Variants in ARNT2 observed in about 807,000 individuals in gnomAD.
ARNT2 encodes the protein aryl hydrocarbon receptor nuclear translocator 2, also known as ARNT protein 2.
A neutral mutation model predicts 91.7 loss-of-function variants in ARNT2; 36 were observed. That is an observed-to-expected ratio of 0.39 (90% CI 0.30 to 0.52). ARNT2 has a LOEUF of 0.52. Among genes scored for constraint, ARNT2 ranks in the 20% least tolerant of loss-of-function variants. The pLI is 0.72. For missense variants in ARNT2, 775 were observed against 939.3 expected, an observed-to-expected ratio of 0.83 and a Z score of 2.29; for synonymous variants, 365 against 347.1, an observed-to-expected ratio of 1.05 and a Z score of -0.57.
At chr15:80,538,003 A>G (rs1032233504) in intron 8 of ARNT2, among the ~76,000 whole-genome samples, 1 of 152,230 alleles carries the variant, frequency 6.6e-6, no homozygotes, top group Admixed American at 6.5e-5. Context: ...GGAGAATGCC[A>G]TGTGAAGATG....
intron 12 of ARNT2, among the ~76,000 whole-genome samples, chr15:80,567,904 G>C (rs949113682): frequency 1.3e-5 from 2 of 152,142 alleles, no homozygotes; most frequent in Non-Finnish European, 2.9e-5. Context: ...GAATTTGTGA[G>C]GCGAAACTTT....
intron 1 of ARNT2, among the ~76,000 whole-genome samples, chr15:80,430,304 C>T (rs1219745961): frequency 2.6e-5 from 4 of 152,220 alleles, no homozygotes; most frequent in African/African-American, 9.6e-5. Context: ...AGCCTCCACT[C>T]TCACCTGTTC....
chr15:80,512,113 A>G (rs543922797), intron 6 of ARNT2, among the ~76,000 whole-genome samples: 3 of 152,224 alleles, frequency 2.0e-5, no homozygotes, highest in East Asian at 1.9e-4. Context: ...ATAAGTATCT[A>G]TTTTCCCTAA....
At position 80,510,731 on chromosome 15, in the gene ARNT2, AG is replaced by A. The variant is rs981127671; in HGVS notation, c.725+2475del. Reference sequence around the variant, plus strand: ...GTAGTCCCTGCTACTCGGGAGGCTGAGGCAGGAGAATTGCTTGAACCTGGGA... The same window carrying A: ...GTAGTCCCTGCTACTCGGGAGGCTGAGCAGGAGAATTGCTTGAACCTGGGA... On this transcript the variant is annotated intron_variant, in intron 6 of 18. Coordinates refer to ENST00000303329, the MANE Select transcript of ARNT2 (RefSeq NM_014862.4). Among the ~76,000 whole-genome samples, 15 of 152,294 alleles carry A rather than the reference AG, an allele frequency of 9.8e-5. 2 individuals are homozygous for A. The highest frequency in any genetic ancestry group is 2.0e-4 in the Admixed American group (3 of 15,296).
rs1206110524 is a variant in ARNT2 at position 80,431,911 on chromosome 15, G to A, written c.32-18969G>A. Among the ~76,000 whole-genome samples the A allele has an allele frequency of 4.6e-5, 7 of 152,340 alleles. No individual in the cohort carries two copies. In the East Asian group the frequency reaches 1.4e-3, roughly 29 times the overall value. ...TGAGCAGCTGAAGTAGCTCTCAGCT[G>A]AAGTAGCTCTCTGAAGCAACCGGCC... On this transcript the variant is annotated intron_variant, in intron 1 of 18. Transcript: ENST00000303329.
chr15:80,414,883 T>C (rs1895755670), intron 1 of ARNT2, among the ~76,000 whole-genome samples: 1 of 151,446 alleles, frequency 6.6e-6, no homozygotes, highest in Non-Finnish European at 1.5e-5. Context: ...CTGGTGGTGG[T>C]GGTGTGGTGG....
At chr15:80,579,340 G>A (rs1898748492) in intron 15 of ARNT2, among the ~76,000 whole-genome samples, 1 of 152,164 alleles carries the variant, frequency 6.6e-6, no homozygotes, top group African/African-American at 2.4e-5. Context: ...CAGAAATGAT[G>A]TCCCCTTTAT....
In ARNT2 at chr15:80,597,123, G is replaced by T; in HGVS notation, c.*3425G>T. 1.9e-6 allele frequency: 1 copy of T among 518,658 alleles called. No homozygotes were observed. The highest frequency in any genetic ancestry group is 1.9e-5 in the African/African-American group (1 of 52,008). The allele number at this position is 518,658 out of a possible 1,614,324, so 32.1% of individuals were successfully genotyped here. The stretch of plus-strand genomic sequence containing the variant: ...TTCCGTGTCAACAATGTGACTACAT[G>T]TTCTCCAGATTAGCCACACATGCAA... On this transcript the variant is annotated 3_prime_UTR_variant, in exon 19 of 19. Coordinates refer to ENST00000303329, the MANE Select transcript of ARNT2 (RefSeq NM_014862.4).
intron 8 of ARNT2, among the ~76,000 whole-genome samples, chr15:80,522,954 C>T (rs193076624): frequency 2.0e-5 from 3 of 152,090 alleles, no homozygotes; most frequent in African/African-American, 7.2e-5. Context: ...AATGCCTTCC[C>T]AGTGTTCAGA....
intron 1 of ARNT2, among the ~76,000 whole-genome samples, chr15:80,445,481 G>C (rs559465143): frequency 6.6e-6 from 1 of 151,530 alleles, no homozygotes; most frequent in South Asian, 2.1e-4. Context: ...GTGTGTGGGG[G>C]TGTGTGGTGT....
chr15:80,593,665 C>G lies in ARNT2; in HGVS notation c.2121C>G (p.Ala707=), dbSNP rs76517462. The change falls in exon 19 of 19, where the codon GCC becomes GCG. Residue 707 remains alanine, a synonymous_variant. Transcript: ENST00000303329. The part of the protein sequence containing the change: ...GTGNYNIEDF[A]DLGMFPPFSE Reference sequence around the variant, plus strand: ...GCAACTATAACATCGAAGACTTTGCCGACCTGGGCATGTTTCCACCGTTTT... The same window carrying G: ...GCAACTATAACATCGAAGACTTTGCGGACCTGGGCATGTTTCCACCGTTTT... 5 of 1,606,706 alleles carry G rather than the reference C, an allele frequency of 3.1e-6. No individual in the cohort carries two copies. In the African/African-American group the frequency reaches 5.3e-5, roughly 17 times the overall value.
At chr15:80,447,274 C>T (rs1433388240) in intron 1 of ARNT2, among the ~76,000 whole-genome samples, 5 of 152,144 alleles carry the variant, frequency 3.3e-5, no homozygotes, top group African/African-American at 9.7e-5. Flanking sequence ...CATGAATATT[C>T]TAATGTCTGT....
chr15:80,510,934 T>C (rs1897332211), intron 6 of ARNT2, among the ~76,000 whole-genome samples: 1 of 152,166 alleles, frequency 6.6e-6, no homozygotes. Context: ...GGTGGGAATG[T>C]AAATTAGTTC....
chr15:80,513,721 C>CA (rs36113299), intron 6 of ARNT2, among the ~76,000 whole-genome samples, 190 bp from the exon 7 acceptor site: 23,918 of 100,872 alleles, frequency 0.24, 3,170 homozygotes, highest in East Asian at 0.68. Flanking sequence ...TCTTCAGTCA[C>CA]AAAAAAAAAA....
intron 6 of ARNT2, among the ~76,000 whole-genome samples, chr15:80,512,300 G>A (rs1897354790): frequency 6.6e-6 from 1 of 152,172 alleles, no homozygotes; most frequent in East Asian, 1.9e-4. Context: ...TACGAGAAAT[G>A]GCCCTTCAGG....
intron 8 of ARNT2, among the ~76,000 whole-genome samples, chr15:80,520,362 T>A (rs1348130385): frequency 6.6e-6 from 1 of 152,198 alleles, no homozygotes; most frequent in African/African-American, 2.4e-5. Flanking sequence ...ATATTTTTTA[T>A]TTCTCTAATA....
chr15:80,541,361 T>C (rs1034648506), intron 8 of ARNT2, among the ~76,000 whole-genome samples: 2 of 152,244 alleles, frequency 1.3e-5, no homozygotes, highest in African/African-American at 4.8e-5. Context: ...TTGAATTGTT[T>C]AAGTTCCTTA....
Position 80,513,991 on chromosome 15 carries a change from C to T in ARNT2, c.791+15C>T, listed in dbSNP as rs778650604. ...AAAAGGTTCAGGTCAGTATCTCTTC[C>T]GATGTATATTTTGGGACTGTTCTGG... On this transcript the variant is annotated intron_variant, in intron 7 of 18. Coordinates refer to ENST00000303329, the MANE Select transcript of ARNT2 (RefSeq NM_014862.4). 1.1e-5 allele frequency: 18 copies of T among 1,605,652 alleles called. No homozygotes were observed. Among genetic ancestry groups the T allele is most frequent in the East Asian group, 4.5e-5 (2 of 44,836 alleles).
chr15:80,450,714 G>GA (rs1896375669), intron 1 of ARNT2, among the ~76,000 whole-genome samples, 166 bp from the exon 2 acceptor site: 1 of 152,230 alleles, frequency 6.6e-6, no homozygotes, highest in South Asian at 2.1e-4. Flanking sequence ...AGAGAAAGAG[G>GA]AAAGACTTGC....
Sources: allele counts gnomAD v4.1 joint callset (sites outside exome capture counted in the v4.1 genomes callset), GRCh38; gene constraint gnomAD v4.1.1; transcripts MANE v1.5; gene names NCBI Gene and HGNC (gene_info 2026-07-23, HGNC 2026-07-21).